BAIAP2L1: variants seen among roughly 807,000 people sequenced by gnomAD.
The protein encoded by BAIAP2L1 is BAR/IMD domain containing adaptor protein 2 like 1, also known as BAR/IMD domain-containing adapter protein 2-like 1.
BAIAP2L1 carries 35 observed loss-of-function variants against 66.3 expected under a neutral mutation model. The observed-to-expected ratio is 0.53, with a 90% CI of 0.40 to 0.70. The LOEUF (loss-of-function observed/expected upper bound fraction) is 0.70, where lower values mean the gene tolerates loss of function less well. BAIAP2L1 is among the 30% of genes least tolerant of loss of function. BAIAP2L1 has a pLI of 0.00. For missense variants in BAIAP2L1, 622 were observed against 656.9 expected (o/e 0.95, Z 0.58); for synonymous variants, 269 against 248.7 (o/e 1.08, Z -0.77).
intron 3 of BAIAP2L1, among the ~76,000 whole-genome samples, chr7:98,349,709 C>T (rs1321367204): frequency 1.3e-5 from 2 of 151,050 alleles, no homozygotes; most frequent in South Asian, 2.1e-4. Context: ...CCCATCTCTA[C>T]TACAAAAAAA....
At chr7:98,385,005 T>C (rs570998813) in intron 1 of BAIAP2L1, among the ~76,000 whole-genome samples, 2 of 152,256 alleles carry the variant, frequency 1.3e-5, no homozygotes, top group African/African-American at 4.8e-5. Flanking sequence ...AACCTCATTC[T>C]ATTGTCTTAA....
At chr7:98,389,758 T>C (rs1802982635) in intron 1 of BAIAP2L1, among the ~76,000 whole-genome samples, 2 of 151,870 alleles carry the variant, frequency 1.3e-5, no homozygotes. Flanking sequence ...AGAAATGACT[T>C]TTTGCTCTAC....
chr7:98,388,924 T>C (rs1802957727), intron 1 of BAIAP2L1, among the ~76,000 whole-genome samples: 1 of 148,700 alleles, frequency 6.7e-6, no homozygotes, highest in Non-Finnish European at 1.5e-5. Context: ...CAGTGAGCCA[T>C]GATCACACCA....
intron 1 of BAIAP2L1, among the ~76,000 whole-genome samples, chr7:98,381,928 G>GGT: frequency 7.2e-6 from 1 of 139,446 alleles, no homozygotes; most frequent in African/African-American, 2.7e-5. Context: ...AAATCTAAGG[G>GGT]TTTTTTTTTT....
intron 1 of BAIAP2L1, among the ~76,000 whole-genome samples, chr7:98,377,681 G>A (rs948520122): frequency 6.6e-6 from 1 of 151,554 alleles, no homozygotes; most frequent in African/African-American, 2.4e-5. Context: ...AGCTGGGTGT[G>A]GTGGCACGCG....
chr7:98,297,052 G>GT (rs1190205070), intron 12 of BAIAP2L1, among the ~76,000 whole-genome samples: 1 of 152,244 alleles, frequency 6.6e-6, no homozygotes, highest in African/African-American at 2.4e-5. Flanking sequence ...TGCATGTCCT[G>GT]TGTCCCCAAC....
intron 6 of BAIAP2L1, 61 bp from the exon 7 acceptor site, chr7:98,315,673 C>G: frequency 2.3e-6 from 2 of 887,732 alleles, no homozygotes; most frequent in Non-Finnish European, 3.0e-6. Context: ...CATCAGATAG[C>G]GTGCAGCCTG....
At chr7:98,367,291 A>G (rs1802407640) in intron 1 of BAIAP2L1, among the ~76,000 whole-genome samples, 1 of 152,126 alleles carries the variant, frequency 6.6e-6, no homozygotes, top group Non-Finnish European at 1.5e-5. Context: ...TCACTGCTAC[A>G]GTTCTATTAA....
chr7:98,319,992 G>A (rs143455892), intron 5 of BAIAP2L1, 66 bp downstream of exon 5: 13 of 1,320,512 alleles, frequency 9.8e-6, no homozygotes, highest in African/African-American at 1.5e-5. Context: ...CAGTGGGAAC[G>A]AGTTCTCCCC....
chr7:98,292,867 G>A lies in BAIAP2L1; in HGVS notation c.*654C>T. The A allele has an allele frequency of 1.4e-6, 2 of 1,448,056 alleles. No homozygotes were observed. The highest frequency in any genetic ancestry group is 2.5e-5 in the East Asian group (1 of 39,726). 89.7% of individuals were successfully genotyped at this position (1,448,056 alleles called of 1,614,324 possible). On this transcript the variant is annotated 3_prime_UTR_variant, in exon 14 of 14. Transcript: ENST00000005260. Reference sequence around the variant, plus strand: ...CGACTCCTAACTACCAAGAAAAGGAGCTCTCGGAGGAGATTTCGTCGAGTG... The same window carrying A: ...CGACTCCTAACTACCAAGAAAAGGAACTCTCGGAGGAGATTTCGTCGAGTG...
intron 2 of BAIAP2L1, among the ~76,000 whole-genome samples, chr7:98,361,537 T>C (rs1802271506): frequency 6.6e-6 from 1 of 152,058 alleles, no homozygotes; most frequent in African/African-American, 2.4e-5. Context: ...TTGCTACATT[T>C]TGGGGAAGAA....
intron 1 of BAIAP2L1, among the ~76,000 whole-genome samples, chr7:98,372,737 T>G (rs1355582893): frequency 3.0e-5 from 2 of 66,466 alleles, no homozygotes; most frequent in African/African-American, 7.9e-5. Flanking sequence ...ATTTTGGTTT[T>G]TTTTTTTTTT....
chr7:98,357,041 ATATATATATTTTTTTT>A (rs1475782739), intron 2 of BAIAP2L1, among the ~76,000 whole-genome samples: 2 of 17,616 alleles, frequency 1.1e-4, no homozygotes, highest in African/African-American at 4.2e-4. Context: ...ATATATATAT[ATATATATATTTTTTTT>A]TTTTTTTTTT....
At chr7:98,350,304 GCAGGGGAAATGCAC>G (rs1168271887) in intron 3 of BAIAP2L1, among the ~76,000 whole-genome samples, 3 of 151,884 alleles carry the variant, frequency 2.0e-5, no homozygotes, top group African/African-American at 7.3e-5. Context: ...AGAAAGATGA[GCAGGGGAAATGCAC>G]CAGAGTCCAT....
chr7:98,317,073 G>T, intron 6 of BAIAP2L1, 146 bp downstream of exon 6: 2 of 999,924 alleles, frequency 2.0e-6, no homozygotes, highest in Non-Finnish European at 3.0e-6. Flanking sequence ...GGCTGGTCTC[G>T]AACTCCTGAC....
chr7:98,300,090 G>A (rs543749425), intron 12 of BAIAP2L1, among the ~76,000 whole-genome samples: 48 of 152,262 alleles, frequency 3.2e-4, no homozygotes, highest in African/African-American at 1.1e-3. Context: ...TAGTTCCTTC[G>A]TTGCACCATC....
chr7:98,378,211 C>T (rs1385046823), intron 1 of BAIAP2L1, among the ~76,000 whole-genome samples: 1 of 77,588 alleles, frequency 1.3e-5, no homozygotes, highest in African/African-American at 4.8e-5. Context: ...TATTTCTCAT[C>T]AGCATTAAAA....
chr7:98,381,543 C>T (rs1009702310), intron 1 of BAIAP2L1, among the ~76,000 whole-genome samples: 6 of 152,172 alleles, frequency 3.9e-5, no homozygotes, highest in Non-Finnish European at 7.3e-5. Flanking sequence ...GAAGAATATT[C>T]TCAGAGTCCT....
chr7:98,331,352 G>A (rs10953257), intron 3 of BAIAP2L1, among the ~76,000 whole-genome samples: 61,475 of 151,906 alleles, frequency 0.4, 13,388 homozygotes, highest in Middle Eastern at 0.55. Flanking sequence ...AAAGTTACTG[G>A]CAGACACCAA....
Sources: gnomAD v4.1 joint callset for allele counts (sites outside exome capture counted in the v4.1 genomes callset) on GRCh38, gnomAD v4.1.1 for gene constraint, MANE v1.5 for transcripts, NCBI Gene and HGNC (gene_info 2026-07-23, HGNC 2026-07-21) for gene names.